Variants in NSMAF observed in about 807,000 individuals in gnomAD.
NSMAF encodes neutral sphingomyelinase activation associated factor.
NSMAF carries 90 observed loss-of-function variants against 134.9 expected under a neutral mutation model. That is an observed-to-expected ratio of 0.67 (90% CI 0.56 to 0.79). NSMAF has a LOEUF of 0.79. Among genes scored for constraint, NSMAF ranks in the 30% least tolerant of loss-of-function variants. The probability of loss-of-function intolerance (pLI) is 0.00; values close to 1 mark genes in which losing one functional copy is unlikely to be tolerated. For missense variants in NSMAF, 1,010 were observed against 1,119.0 expected (o/e 0.90, Z 1.39); for synonymous variants, 358 against 389.6 (o/e 0.92, Z 0.96).
At chr8:58,596,340 T>G (rs1287696235) in intron 21 of NSMAF, among the ~76,000 whole-genome samples, 1 of 152,194 alleles carries the variant, frequency 6.6e-6, no homozygotes, top group Non-Finnish European at 1.5e-5. Context: ...CTGGATGTCC[T>G]TGGAACAGAC....
At chr8:58,605,498 A>T (rs953069043) in intron 12 of NSMAF, among the ~76,000 whole-genome samples, 7 of 152,340 alleles carry the variant, frequency 4.6e-5, no homozygotes, top group African/African-American at 1.7e-4. Flanking sequence ...ATTTATCTAG[A>T]GTTTTTAAAA....
intron 16 of NSMAF, 112 bp downstream of exon 16, chr8:58,601,173 G>T: frequency 3.3e-6 from 3 of 902,026 alleles, no homozygotes; most frequent in Non-Finnish European, 5.3e-6. Context: ...AACAATTAGT[G>T]ATTTTTTACA....
At chr8:58,607,151 A>C (rs1248358025) in intron 11 of NSMAF, among the ~76,000 whole-genome samples, 2 of 152,248 alleles carry the variant, frequency 1.3e-5, no homozygotes, top group African/African-American at 4.8e-5. Flanking sequence ...AGGAGAAAAA[A>C]TGAATTTCTA....
chr8:58,597,535 A>G lies in NSMAF; in HGVS notation c.1644T>C (p.Asp548=), dbSNP rs1462136825. 6.2e-6 allele frequency: 10 copies of G among 1,613,548 alleles called. No individual in the cohort carries two copies. Among genetic ancestry groups the G allele is most frequent in the Non-Finnish European group, 8.5e-6 (10 of 1,179,430 alleles). ...TTTGCGTAAGCATGGCTACCTTCTCATCAGGATCCTGGATGCTTTGGGACA... is the reference window on the plus strand; with the variant it reads ...TTTGCGTAAGCATGGCTACCTTCTCGTCAGGATCCTGGATGCTTTGGGACA... The part of the protein sequence containing the change: ...GVDLNSIQDP[D]EKVAMLTQIL... Residue 548 remains aspartate (D), a synonymous_variant, in exon 21 of 31, where the codon GAT becomes GAC. Transcript: ENST00000038176.
At chr8:58,640,597 C>A (rs1287693560) in intron 2 of NSMAF, among the ~76,000 whole-genome samples, 2 of 152,038 alleles carry the variant, frequency 1.3e-5, no homozygotes, top group Admixed American at 1.3e-4. Context: ...AACTTCTTTG[C>A]AATACTTTTT....
intron 19 of NSMAF, 70 bp downstream of exon 19, chr8:58,599,162 T>C (rs1806213858): frequency 6.8e-7 from 1 of 1,473,578 alleles, no homozygotes; most frequent in Middle Eastern, 1.8e-4. Flanking sequence ...TTGCTTTCAT[T>C]TTCCAATGAA....
intron 5 of NSMAF, among the ~76,000 whole-genome samples, chr8:58,633,022 C>T (rs1431878399): frequency 6.6e-6 from 1 of 152,184 alleles, no homozygotes; most frequent in Non-Finnish European, 1.5e-5. Flanking sequence ...TGGAACACCC[C>T]AATAGGTCTC....
chr8:58,619,782 T>C (rs1806741165), intron 9 of NSMAF, among the ~76,000 whole-genome samples: 1 of 152,062 alleles, frequency 6.6e-6, no homozygotes, highest in Non-Finnish European at 1.5e-5. Flanking sequence ...GGGACCTAAA[T>C]AAATAGAGAG....
chr8:58,623,856 T>A, intron 6 of NSMAF, 76 bp from the exon 7 acceptor site: 1 of 1,138,582 alleles, frequency 8.8e-7, no homozygotes, highest in Non-Finnish European at 1.3e-6. Flanking sequence ...AGAACATGTG[T>A]ACAGAACCTG....
intron 5 of NSMAF, among the ~76,000 whole-genome samples, chr8:58,634,417 G>C (rs999542493): frequency 2.6e-5 from 4 of 152,178 alleles, no homozygotes; most frequent in African/African-American, 9.7e-5. Context: ...TGTTGCATGA[G>C]AGGATTTAAG....
chr8:58,619,732 A>C (rs1236243143), intron 9 of NSMAF, among the ~76,000 whole-genome samples: 3 of 152,190 alleles, frequency 2.0e-5, no homozygotes, highest in African/African-American at 7.2e-5. Context: ...ATAAGACAGG[A>C]AAGACCTTTA....
intron 25 of NSMAF, chr8:58,589,786 C>G: frequency 1.6e-6 from 1 of 624,334 alleles, no homozygotes; most frequent in Admixed American, 3.8e-5. Context: ...GTTTTCTCCT[C>G]AATTTAAAAC....
At chr8:58,631,636 G>T in intron 5 of NSMAF, 90 bp from the exon 6 acceptor site, 1 of 692,274 alleles carries the variant, frequency 1.4e-6, no homozygotes, top group Non-Finnish European at 2.3e-6. Context: ...TCAATCAAAA[G>T]TTTTAAATCA....
intron 5 of NSMAF, among the ~76,000 whole-genome samples, chr8:58,632,116 A>G (rs1807068066): frequency 6.6e-6 from 1 of 152,156 alleles, no homozygotes; most frequent in South Asian, 2.1e-4. Context: ...GAGCTCTCAA[A>G]GTCCAGCCCC....
chr8:58,583,927 G>A lies in NSMAF; in HGVS notation c.*179C>T, dbSNP rs555633318. The A allele has an allele frequency of 2.1e-5, 13 of 611,182 alleles. No individual in the cohort carries two copies. The East Asian group carries it at 3.7e-4, about 17-fold the overall frequency. The allele number at this position is 611,182 out of a possible 1,614,324, so 37.9% of individuals were successfully genotyped here. A position where few individuals can be genotyped will look rare whatever the true frequency, so the allele number is the denominator to read the frequency against. On this transcript the variant is annotated 3_prime_UTR_variant, in exon 31 of 31. Coordinates refer to ENST00000038176, the MANE Select transcript of NSMAF (RefSeq NM_003580.4). ...CAGCCGCATTTTATCTGCCCTAAGA[G>A]AATAGCAACTAATGGCTTTCAATGA...
intron 11 of NSMAF, among the ~76,000 whole-genome samples, chr8:58,606,977 G>A (rs913536019): frequency 5.9e-5 from 9 of 152,126 alleles, no homozygotes; most frequent in Non-Finnish European, 1.3e-4. Flanking sequence ...ATTTTTAATA[G>A]TATCTGTTTC....
chr8:58,586,626 T>C lies in NSMAF; in HGVS notation c.2296-18A>G, dbSNP rs368448102. The C allele has an allele frequency of 1.1e-4, 179 of 1,591,922 alleles. No individual in the cohort carries two copies. The highest frequency in any genetic ancestry group is 1.4e-4 in the Admixed American group (8 of 58,042). ...GTATCTACCTAAGGAAGAAAACACATTGATACATATTCCATTAGATTTATG... is the reference window on the plus strand; with the variant it reads ...GTATCTACCTAAGGAAGAAAACACACTGATACATATTCCATTAGATTTATG... On this transcript the variant is annotated intron_variant, in intron 27 of 30. Coordinates refer to ENST00000038176, the MANE Select transcript of NSMAF (RefSeq NM_003580.4).
At chr8:58,608,380 A>G (rs1806455345) in intron 10 of NSMAF, among the ~76,000 whole-genome samples, 2 of 152,194 alleles carry the variant, frequency 1.3e-5, no homozygotes, top group Admixed American at 1.3e-4. Flanking sequence ...GCTTTTCTAT[A>G]ATTTTAAAAC....
chr8:58,645,448 G>A (rs924197367), intron 1 of NSMAF, among the ~76,000 whole-genome samples: 3 of 152,010 alleles, frequency 2.0e-5, no homozygotes, highest in South Asian at 4.2e-4. Flanking sequence ...ATTAGTTTTG[G>A]AAAAAACTAA....
Sources: allele counts gnomAD v4.1 joint callset (sites outside exome capture counted in the v4.1 genomes callset), GRCh38; gene constraint gnomAD v4.1.1; transcripts MANE v1.5; gene names NCBI Gene and HGNC (gene_info 2026-07-23, HGNC 2026-07-21).